The following SETMAR variants were observed in gnomAD, a reference collection of about 807,000 sequenced individuals.
SETMAR encodes histone-lysine N-methyltransferase SETMAR.
A neutral mutation model predicts 58.4 loss-of-function variants in SETMAR; 44 were observed. That is an observed-to-expected ratio of 0.75 (90% CI 0.59 to 0.97). SETMAR has a LOEUF of 0.97. Ranked by LOEUF, SETMAR falls within the 50% of genes least tolerant of loss-of-function variation. SETMAR has a pLI of 0.00. For missense variants in SETMAR, 903 were observed against 840.2 expected (o/e 1.07, Z -0.92); for synonymous variants, 332 against 307.4 (o/e 1.08, Z -0.84).
chr3:4,312,719 A>C (rs1575081803), intron 1 of SETMAR, among the ~76,000 whole-genome samples, 179 bp from the exon 2 acceptor site: 1 of 151,432 alleles, frequency 6.6e-6, no homozygotes, highest in Non-Finnish European at 1.5e-5. Flanking sequence ...AAAAAAAAAA[A>C]AACTTGTTTT....
rs566452266 is a variant in SETMAR at position 4,316,278 on chromosome 3, C to T, written c.1087C>T (p.Arg363Cys). Residue 363 changes from arginine (R) to cysteine (C), a missense_variant, in exon 3 of 3, where the codon CGT (arginine) becomes TGT (cysteine). Arg to Cys is a radical substitution (Grantham distance 180). Transcript: ENST00000358065. ...AIFLFEFKMGRKAAETTRNIN... is the reference protein window; with the variant it reads ...AIFLFEFKMGCKAAETTRNIN... ...TTTCTTATTCGAGTTCAAAATGGGT[C>T]GTAAAGCAGCAGAAACAACTCGCAA... The T allele has an allele frequency of 3.3e-6, 3 of 911,358 alleles. No homozygotes were observed. Among genetic ancestry groups the T allele is most frequent in the East Asian group, 5.2e-5 (2 of 38,180 alleles). 56.5% of individuals were successfully genotyped at this position (911,358 alleles called of 1,614,324 possible).
At chr3:4,304,578 C>T (rs1698107254) in intron 1 of SETMAR, among the ~76,000 whole-genome samples, 1 of 152,220 alleles carries the variant, frequency 6.6e-6, no homozygotes, top group African/African-American at 2.4e-5. Context: ...ATCTTAGCTA[C>T]TTCCCAGAGC....
intron 2 of SETMAR, 107 bp downstream of exon 2, chr3:4,313,868 A>C: frequency 6.5e-7 from 1 of 1,540,282 alleles, no homozygotes; most frequent in Non-Finnish European, 8.7e-7. Context: ...GGAATGTGGC[A>C]GAGACTGCAA....
intron 1 of SETMAR, among the ~76,000 whole-genome samples, chr3:4,311,379 C>T (rs1295934153): frequency 1.3e-5 from 2 of 152,202 alleles, no homozygotes; most frequent in African/African-American, 2.4e-5. Context: ...GCTTTAAAAT[C>T]TATCCCCAAT....
Position 4,317,147 on chromosome 3 carries a change from C to T in SETMAR, c.1956C>T (p.Phe652=), listed in dbSNP as rs1310506493. ...ATGCAGAAAATGCTTTCCAAGAGTT[C>T]GTCGAATCCCAAAGCACGGATTTTT... ...QQDAENAFQE[F]VESQSTDFYA... Residue 652 remains phenylalanine, a synonymous_variant, in exon 3 of 3, where the codon TTC becomes TTT. Coordinates refer to ENST00000358065, the MANE Select transcript of SETMAR (RefSeq NM_006515.4). 30 of 1,547,388 alleles carry T rather than the reference C, an allele frequency of 1.9e-5. No homozygotes were observed. Among genetic ancestry groups the T allele is most frequent in the African/African-American group, 5.5e-5 (4 of 72,904 alleles).
rs1165169981 is a variant in SETMAR at position 4,316,907 on chromosome 3, C to A, written c.1716C>A (p.Arg572=). 15 of 1,549,420 alleles carry A rather than the reference C, an allele frequency of 9.7e-6. No individual in the cohort carries two copies. Among genetic ancestry groups the A allele is most frequent in the Non-Finnish European group, 1.3e-5 (15 of 1,146,754 alleles). The change falls in exon 3 of 3, where the codon CGC becomes CGA. Residue 572 remains arginine, a synonymous_variant. Coordinates refer to ENST00000358065, the MANE Select transcript of SETMAR (RefSeq NM_006515.4). ...EIDEMNQKLQ[R]LQLALVNRKG... ...ATGAGATGAACCAAAAACTGCAACG[C>A]CTGCAGCTGGCATTGGTCAACAGAA... is the stretch of plus-strand genomic sequence containing the variant.
chr3:4,312,334 T>C (rs868706298), intron 1 of SETMAR, among the ~76,000 whole-genome samples: 1 of 152,150 alleles, frequency 6.6e-6, no homozygotes, highest in East Asian at 1.9e-4. Flanking sequence ...CACTGAGTTT[T>C]CTGACATCCA....
chr3:4,316,444 G>A lies in SETMAR; in HGVS notation c.1253G>A (p.Arg418Lys), dbSNP rs1698650260. The change falls in exon 3 of 3, where the codon AGA becomes AAA. Residue 418 changes from arginine to lysine, a missense_variant. Coordinates refer to ENST00000358065, the MANE Select transcript of SETMAR (RefSeq NM_006515.4). ...RPSEVDNDQL[R>K]AIIEADPLTT... ...TCAGAAGTTGACAACGACCAGTTGAGAGCAATCATCGAAGCTGATCCCCTT... is the reference window on the plus strand; with the variant it reads ...TCAGAAGTTGACAACGACCAGTTGAAAGCAATCATCGAAGCTGATCCCCTT... 6.2e-7 allele frequency: 1 copy of A among 1,600,446 alleles called. No homozygotes were observed. Among genetic ancestry groups the A allele is most frequent in the South Asian group, 1.1e-5 (1 of 88,204 alleles).
Position 4,314,710 on chromosome 3 carries a change from C to T in SETMAR, c.1020+949C>T, listed in dbSNP as rs190521330. 7.9e-5 allele frequency among the ~76,000 whole-genome samples: 12 copies of T among 152,204 alleles called. 1 individual carries two copies. In the South Asian group the frequency reaches 1.9e-3, roughly 24 times the overall value. ...GAAGGAGACGGGAGTTTTATGATCC[C>T]GTTTAAACTTCTAGAGCAGCAAACA... On this transcript the variant is annotated intron_variant, in intron 2 of 2. Transcript: ENST00000358065.
intron 1 of SETMAR, among the ~76,000 whole-genome samples, chr3:4,305,142 T>A (rs1006032353): frequency 2.6e-5 from 4 of 152,126 alleles, no homozygotes; most frequent in African/African-American, 9.7e-5. Flanking sequence ...GGCTAGAGTG[T>A]GGTGGTGCGA....
intron 1 of SETMAR, among the ~76,000 whole-genome samples, chr3:4,304,392 T>G (rs1160290904): frequency 6.6e-6 from 1 of 152,210 alleles, no homozygotes; most frequent in Non-Finnish European, 1.5e-5. Context: ...TCCGCCCGCC[T>G]CGGCCTCCCA....
intron 2 of SETMAR, 132 bp from the exon 3 acceptor site, chr3:4,316,080 T>C: frequency 1.8e-6 from 1 of 550,324 alleles, no homozygotes; most frequent in Non-Finnish European, 3.2e-6. Context: ...TAACAGTTTT[T>C]GCATTGTTGG....
chr3:4,306,086 C>T (rs1211915713), intron 1 of SETMAR, among the ~76,000 whole-genome samples: 1 of 152,146 alleles, frequency 6.6e-6, no homozygotes, highest in African/African-American at 2.4e-5. Flanking sequence ...CAGAAAAACG[C>T]ACTCTACCCT....
In SETMAR at chr3:4,313,736, C is replaced by T; in HGVS notation, c.995C>T (p.Pro332Leu). 1 of 1,613,992 alleles carries T rather than the reference C, an allele frequency of 6.2e-7. No individual in the cohort carries two copies. The highest frequency in any genetic ancestry group is 8.5e-7 in the Non-Finnish European group (1 of 1,179,948). The change falls in exon 2 of 3, where the codon CCC (proline) becomes CTC (leucine). Residue 332 changes from proline (P) to leucine (L), a missense_variant. Physicochemically the swap from Pro to Leu is moderately conservative, Grantham distance 98. Transcript: ENST00000358065. ...TGTGGCTCAGCCCCTTCTGTGTTCC[C>T]CTCCTGCAAGCGATTGACCCTTGAG... ...SMCGSAPSVF[P>L]SCKRLTLETM...
rs574226994 is a variant in SETMAR at position 4,303,953 on chromosome 3, C to T, written c.156+427C>T. On this transcript the variant is annotated intron_variant, in intron 1 of 2. Coordinates refer to ENST00000358065, the MANE Select transcript of SETMAR (RefSeq NM_006515.4). ...CCCTCGAGTCAGCCTTAGCTGTGGT[C>T]TCCCTCACGCTGTGGGCTCTTGGGC... 778 of 951,690 alleles carry T rather than the reference C, an allele frequency of 8.2e-4. 14 individuals are homozygous for T. In the South Asian group the frequency reaches 0.014, roughly 17 times the overall value. The allele number at this position is 951,690 out of a possible 1,614,324, so 59.0% of individuals were successfully genotyped here. A position where few individuals can be genotyped will look rare whatever the true frequency, so the allele number is the denominator to read the frequency against.
intron 1 of SETMAR, among the ~76,000 whole-genome samples, chr3:4,307,628 G>A (rs1698242334): frequency 6.6e-6 from 1 of 152,190 alleles, no homozygotes; most frequent in South Asian, 2.1e-4. Flanking sequence ...CTGATTTCCA[G>A]TATATCATTT....
rs956951819 is a variant in SETMAR, at chr3:4,316,711, G to A, written c.1520G>A (p.Arg507Gln). ...TGGATTTTATATGACAACCGGCGAC[G>A]ATCAGCTCAGTGGTTGGATCAAGAA... ...EKWILYDNRR[R>Q]SAQWLDQEEA... The change falls in exon 3 of 3, where the codon CGA becomes CAA. Residue 507 changes from arginine (R) to glutamine (Q), a missense_variant. Transcript: ENST00000358065. The A allele has an allele frequency of 6.4e-6, 10 of 1,550,820 alleles. No individual in the cohort carries two copies. Among genetic ancestry groups the A allele is most frequent in the Middle Eastern group, 1.7e-4 (1 of 6,008 alleles).
In SETMAR at chr3:4,303,573, C is replaced by G. The variant is rs752129485; in HGVS notation, c.156+47C>G. The G allele has an allele frequency of 2.5e-5, 33 of 1,346,468 alleles. No individual in the cohort carries two copies. The Admixed American group carries it at 7.1e-4, about 29-fold the overall frequency. 83.4% of individuals were successfully genotyped at this position (1,346,468 alleles called of 1,614,324 possible). ...GCGGGAGGCGGGCGCGCGGCTCCCC[C>G]ACGTGGTCTCCTCAAGCCGCCTCGC... On this transcript the variant is annotated intron_variant, in intron 1 of 2. Coordinates refer to ENST00000358065, the MANE Select transcript of SETMAR (RefSeq NM_006515.4).
In SETMAR at chr3:4,303,502, G is replaced by A. The variant is rs201457479; in HGVS notation, c.132G>A (p.Pro44=). ...ACTTGCCGGTGGGCGCGTGGCCCCC[G>A]GGGGCCGCGCCGGCGCCCTTCCAGG... The part of the protein sequence containing the change: ...QENLPVGAWP[P]GAAPAPFQYT... The change falls in exon 1 of 3, where the codon CCG becomes CCA. Residue 44 remains proline (P), a synonymous_variant. Transcript: ENST00000358065. 10 of 1,454,172 alleles carry A rather than the reference G, an allele frequency of 6.9e-6. No homozygotes were observed. Among genetic ancestry groups the A allele is most frequent in the Non-Finnish European group, 9.0e-6 (10 of 1,109,030 alleles). 90.1% of individuals were successfully genotyped at this position (1,454,172 alleles called of 1,614,324 possible).
Sources: gnomAD v4.1 joint callset for allele counts (sites outside exome capture counted in the v4.1 genomes callset) on GRCh38, gnomAD v4.1.1 for gene constraint, MANE v1.5 for transcripts, NCBI Gene and HGNC (gene_info 2026-07-23, HGNC 2026-07-21) for gene names.